Variants in ZNF783 observed in about 807,000 individuals in gnomAD.
ZNF783 encodes the protein protein ZNF783.
ZNF783 carries 25 observed loss-of-function variants against 31.3 expected under a neutral mutation model. That is an observed-to-expected ratio of 0.80 (90% CI 0.58 to 1.11). ZNF783 has a LOEUF of 1.11. Ranked by LOEUF, ZNF783 falls within the 50% of genes most tolerant of loss-of-function variation. The pLI, the probability that ZNF783 is intolerant of heterozygous loss-of-function variation, is 0.00. For synonymous variants in ZNF783, 369 were observed against 319.1 expected (o/e 1.16, Z -1.66); for missense variants, 797 against 760.0 (o/e 1.05, Z -0.57).
Position 149,266,202 on chromosome 7 carries a change from C to CA in ZNF783, c.25-133_25-132insA, listed in dbSNP as rs1563194002. On this transcript the variant is annotated intron_variant, in intron 1 of 5. Coordinates refer to ENST00000434415, the MANE Select transcript of ZNF783 (RefSeq NM_001195220.2). ...ATACCCTAGCCTCTCCCTCTCCCCC[C>CA]CAGTCTGCTGCTAACTCAGGAGCCC... The CA allele has an allele frequency of 7.6e-6, 8 of 1,057,128 alleles. No homozygotes were observed. In the African/African-American group the frequency reaches 9.7e-5, roughly 13 times the overall value. 65.5% of individuals were successfully genotyped at this position (1,057,128 alleles called of 1,614,324 possible). A position where few individuals can be genotyped will look rare whatever the true frequency, so the allele number is the denominator to read the frequency against.
rs59725451 is a variant in ZNF783 at position 149,263,304 on chromosome 7, GTATATA to G, written c.24+963_24+968del. ...TGTGTGTGTGTGTGTGTGTGTGTGT[GTATATA>G]TATATATATATATATTTTTTTTTTA... On this transcript the variant is annotated intron_variant, in intron 1 of 5. Coordinates refer to ENST00000434415, the MANE Select transcript of ZNF783 (RefSeq NM_001195220.2). 9.4e-3 allele frequency among the ~76,000 whole-genome samples: 607 copies of G among 64,284 alleles called. 4 individuals are homozygous for G. The highest frequency in any genetic ancestry group is 0.02 in the African/African-American group (322 of 15,858). The allele number at this position is 64,284 out of a possible 152,430, so 42.2% of individuals were successfully genotyped here.
intron 5 of ZNF783, 109 bp downstream of exon 5, chr7:149,278,636 GGCT>G (rs1286820057): frequency 1.1e-4 from 161 of 1,518,480 alleles, no homozygotes; most frequent in Non-Finnish European, 1.3e-4. Context: ...TGGGAGAGAG[GGCT>G]GGGAGACTGG....
chr7:149,281,643 G>A lies in ZNF783; in HGVS notation c.941G>A (p.Arg314His), dbSNP rs901630761. The A allele has an allele frequency of 6.5e-6, 10 of 1,542,646 alleles. No individual in the cohort carries two copies. In the African/African-American group the frequency reaches 7.0e-5, roughly 11 times the overall value. The change falls in exon 6 of 6, where the codon CGT becomes CAT. Residue 314 changes from arginine to histidine, a missense_variant. Arg to His is a conservative substitution (Grantham distance 29). Transcript: ENST00000434415. The part of the protein sequence containing the change: ...GPRNRPGGPS[R>H]HQAQGMPRVR... ...AGGAACAGGCCTGGGGGCCCCAGCC[G>A]TCATCAGGCCCAGGGCATGCCCAGG...
At chr7:149,280,059 C>T (rs531544157) in intron 5 of ZNF783, among the ~76,000 whole-genome samples, 51 of 151,768 alleles carry the variant, frequency 3.4e-4, no homozygotes, top group East Asian at 7.8e-4. Context: ...GCAGAGGCGC[C>T]CCTCACCTCC....
At chr7:149,265,260 A>G (rs370380757) in intron 1 of ZNF783, among the ~76,000 whole-genome samples, 46 of 152,308 alleles carry the variant, frequency 3.0e-4, no homozygotes, top group African/African-American at 1.0e-3. Context: ...CGCATGCACA[A>G]TGAGGGCTTG....
At chr7:149,279,090 T>G (rs1205955280) in intron 5 of ZNF783, among the ~76,000 whole-genome samples, 1 of 152,242 alleles carries the variant, frequency 6.6e-6, no homozygotes, top group Non-Finnish European at 1.5e-5. Flanking sequence ...CTGTCTAGTG[T>G]TCCTCTGCGG....
rs369906136 is a variant in ZNF783, at chr7:149,266,931, C to T, written c.533C>T (p.Thr178Met). The change falls in exon 3 of 6, where the codon ACG becomes ATG. Residue 178 changes from threonine (T) to methionine (M), a missense_variant. Thr to Met is a moderately conservative substitution (Grantham distance 81). Coordinates refer to ENST00000434415, the MANE Select transcript of ZNF783 (RefSeq NM_001195220.2). ...YKHVMRGNYETLVSLDYAISK... is the reference protein window; with the variant it reads ...YKHVMRGNYEMLVSLDYAISK... ...CACGTGATGAGGGGCAACTACGAGA[C>T]GCTGGTCTCCCTGGGTAAGGCCACG... 36 of 1,613,930 alleles carry T rather than the reference C, an allele frequency of 2.2e-5. No homozygotes were observed. In the Admixed American group the frequency reaches 2.7e-4, roughly 12 times the overall value.
intron 4 of ZNF783, among the ~76,000 whole-genome samples, chr7:149,271,188 T>C (rs1797202979): frequency 1.3e-5 from 2 of 152,262 alleles, no homozygotes; most frequent in African/African-American, 4.8e-5. Flanking sequence ...TCTGCCTGCC[T>C]CGGCCTTCCA....
chr7:149,281,526 C>T lies in ZNF783; in HGVS notation c.824C>T (p.Thr275Ile). The T allele has an allele frequency of 1.4e-6, 2 of 1,456,266 alleles. No homozygotes were observed. Among genetic ancestry groups the T allele is most frequent in the Non-Finnish European group, 1.8e-6 (2 of 1,112,762 alleles). 90.2% of individuals were successfully genotyped at this position (1,456,266 alleles called of 1,614,324 possible). A position where few individuals can be genotyped will look rare whatever the true frequency, so the allele number is the denominator to read the frequency against. Residue 275 changes from threonine to isoleucine, a missense_variant, in exon 6 of 6, where the codon ACA (threonine) becomes ATA (isoleucine). Physicochemically the swap from Thr to Ile is moderately conservative, Grantham distance 89. Transcript: ENST00000434415. ...CCAGGTGGTGGTGTGGCCATCAAGA[C>T]AGAGGCACAGTCTGAAGACGAGATG... ...PEAGGGVAIKTEAQSEDEMTP... is the reference protein window; with the variant it reads ...PEAGGGVAIKIEAQSEDEMTP...
In ZNF783 at chr7:149,283,854, TC is replaced by T. The variant is rs1248181784; in HGVS notation, c.*1513del. 6.6e-6 allele frequency: 1 copy of T among 152,258 alleles called. No homozygotes were observed. The highest frequency in any genetic ancestry group is 1.5e-5 in the Non-Finnish European group (1 of 68,070). The allele number at this position is 152,258 out of a possible 1,614,324, so 9.4% of individuals were successfully genotyped here. ...TGTGCTTCCTTTCAAATTCAGGGCC[TC>T]CTTTCTACTCCATTCCAGCCTTTTT... On this transcript the variant is annotated 3_prime_UTR_variant, in exon 6 of 6. Coordinates refer to ENST00000434415, the MANE Select transcript of ZNF783 (RefSeq NM_001195220.2).
chr7:149,278,160 T>C, intron 4 of ZNF783: 1 of 1,291,466 alleles, frequency 7.7e-7, no homozygotes, highest in Non-Finnish European at 9.9e-7. Context: ...TGCCTGGCGA[T>C]CATTACCGTG....
rs1413335893 is a variant in ZNF783, at chr7:149,283,023, T to C, written c.*680T>C. 6.7e-6 allele frequency: 1 copy of C among 148,986 alleles called. No individual in the cohort carries two copies. Among genetic ancestry groups the C allele is most frequent in the Non-Finnish European group, 1.5e-5 (1 of 67,734 alleles). The allele number at this position is 148,986 out of a possible 1,614,324, so 9.2% of individuals were successfully genotyped here. The stretch of plus-strand genomic sequence containing the variant: ...TTCACTCTTGTTGCCCAGGCTGGAG[T>C]GCAATGGTACAATCTCCGCTCACTG... On this transcript the variant is annotated 3_prime_UTR_variant, in exon 6 of 6. Coordinates refer to ENST00000434415, the MANE Select transcript of ZNF783 (RefSeq NM_001195220.2).
intron 4 of ZNF783, among the ~76,000 whole-genome samples, chr7:149,267,896 C>G (rs1220702179): frequency 6.6e-6 from 1 of 152,170 alleles, no homozygotes; most frequent in African/African-American, 2.4e-5. Flanking sequence ...GCTTGTGTCC[C>G]CTATTGCAGT....
At chr7:149,267,318 G>A in intron 4 of ZNF783, 96 bp downstream of exon 4, 1 of 1,477,364 alleles carries the variant, frequency 6.8e-7, no homozygotes, top group Non-Finnish European at 8.9e-7. Context: ...GGGAGGGCAG[G>A]AAGGGAGCAT....
At chr7:149,269,680 A>G (rs1272170137) in intron 4 of ZNF783, among the ~76,000 whole-genome samples, 1 of 152,066 alleles carries the variant, frequency 6.6e-6, no homozygotes, top group Non-Finnish European at 1.5e-5. Flanking sequence ...AAATTTTATT[A>G]TTATTATACT....
In ZNF783 at chr7:149,266,621, A is replaced by G. The variant is rs776911206; in HGVS notation, c.311A>G (p.Gln104Arg). ...TGGGCCGTGCTGGGGACCTTGCTGC[A>G]GGAGTACGGGCTGCTGCAGAGGCGG... is the stretch of plus-strand genomic sequence containing the variant. ...GKWAVLGTLL[Q>R]EYGLLQRRLE... is the part of the protein sequence containing the mutation. Residue 104 changes from glutamine (Q) to arginine (R), a missense_variant, in exon 2 of 6, where the codon CAG becomes CGG. By Grantham distance (43) the Gln-to-Arg change is conservative. Transcript: ENST00000434415. 16 of 1,614,186 alleles carry G rather than the reference A, an allele frequency of 9.9e-6. No homozygotes were observed. Among genetic ancestry groups the G allele is most frequent in the Non-Finnish European group, 1.4e-5 (16 of 1,180,044 alleles).
chr7:149,263,294 GTGTGTGTGTGTATATA>G (rs1254203222), intron 1 of ZNF783, among the ~76,000 whole-genome samples: 1,107 of 73,790 alleles, frequency 0.015, 25 homozygotes, highest in African/African-American at 0.053. Context: ...GTGTGTGTGT[GTGTGTGTGTGTATATA>G]TATATATATA....
At position 149,282,968 on chromosome 7, in the gene ZNF783, G is replaced by T. The variant is rs550568720; in HGVS notation, c.*625G>T. The T allele has an allele frequency of 0.17, 19,744 of 115,868 alleles. 1,616 individuals carry two copies. Among genetic ancestry groups the T allele is most frequent in the East Asian group, 0.29 (995 of 3,436 alleles). The allele number at this position is 115,868 out of a possible 1,614,324, so 7.2% of individuals were successfully genotyped here. ...CTGTGGGTCTTTTGGTTTTTTTTTT[G>T]TTGTTGTTGTTGTTTTTTTAAGATG... is the stretch of plus-strand genomic sequence containing the variant. On this transcript the variant is annotated 3_prime_UTR_variant, in exon 6 of 6. Transcript: ENST00000434415.
chr7:149,278,276 A>T, intron 4 of ZNF783, 123 bp from the exon 5 acceptor site: 2 of 1,496,496 alleles, frequency 1.3e-6, no homozygotes, highest in Non-Finnish European at 8.9e-7. Flanking sequence ...CCTCACTATC[A>T]TGCCCTGTGC....
Sources: gnomAD v4.1 joint callset for allele counts (sites outside exome capture counted in the v4.1 genomes callset) on GRCh38, gnomAD v4.1.1 for gene constraint, MANE v1.5 for transcripts, NCBI Gene and HGNC (gene_info 2026-07-23, HGNC 2026-07-21) for gene names.